ATP8B4: variants seen among roughly 807,000 people sequenced by gnomAD.
ATP8B4 encodes the protein ATPase phospholipid transporting 8B4 (putative), also known as probable phospholipid-transporting ATPase IM.
In ATP8B4, 133 loss-of-function variants were observed where a neutral mutation model predicts 145.6. The ratio of observed to expected loss-of-function variants is 0.91; its 90% CI spans 0.79 to 1.05. The LOEUF (loss-of-function observed/expected upper bound fraction) is 1.05. ATP8B4 is among the 50% of genes least tolerant of loss of function. ATP8B4 has a pLI of 0.00. For missense variants in ATP8B4, 1,458 were observed against 1,425.2 expected (o/e 1.02, Z -0.37); for synonymous variants, 507 against 492.9 (o/e 1.03, Z -0.38).
chr15:50,112,885 G>C (rs2057017848), intron 1 of ATP8B4, among the ~76,000 whole-genome samples: 1 of 151,914 alleles, frequency 6.6e-6, no homozygotes, highest in African/African-American at 2.4e-5. Context: ...CAAGGCCCCT[G>C]CTTCCCATCC....
chr15:50,116,967 A>C (rs1389381821), intron 1 of ATP8B4, among the ~76,000 whole-genome samples: 2 of 152,196 alleles, frequency 1.3e-5, no homozygotes, highest in African/African-American at 2.4e-5. Context: ...GAGAGATTCT[A>C]AAAATAAATA....
chr15:50,122,901 G>A (rs1254634246), upstream of ATP8B4, among the ~76,000 whole-genome samples: 9 of 151,870 alleles, frequency 5.9e-5, 1 homozygote, highest in Admixed American at 5.9e-4. Context: ...TGCAAAATTG[G>A]GAAGATTAAA....
At chr15:50,131,346 T>C (rs563635446) in intron 1 of ATP8B4, among the ~76,000 whole-genome samples, 10 of 152,316 alleles carry the variant, frequency 6.6e-5, no homozygotes, top group Admixed American at 1.3e-4. Context: ...AATAATTCTA[T>C]CCTTTACAGA....
intron 1 of ATP8B4, among the ~76,000 whole-genome samples, chr15:50,131,266 G>C (rs1280986135): frequency 6.6e-6 from 1 of 152,130 alleles, no homozygotes; most frequent in Non-Finnish European, 1.5e-5. Context: ...TGATAGGTAA[G>C]AACTTCTAAT....
intron 1 of ATP8B4, among the ~76,000 whole-genome samples, chr15:50,110,399 A>G (rs959615293): frequency 6.6e-6 from 1 of 152,344 alleles, no homozygotes; most frequent in South Asian, 2.1e-4. Context: ...TTGCAAATTT[A>G]TCAACTCACC....
At chr15:49,958,742 T>TA (rs1331697619) in intron 14 of ATP8B4, among the ~76,000 whole-genome samples, 1 of 151,850 alleles carries the variant, frequency 6.6e-6, no homozygotes, top group African/African-American at 2.4e-5. Context: ...GACAATATTC[T>TA]AAAAAAATAT....
chr15:50,037,652 A>G (rs2050941331), intron 6 of ATP8B4, among the ~76,000 whole-genome samples: 2 of 152,202 alleles, frequency 1.3e-5, no homozygotes, highest in Admixed American at 6.5e-5. Context: ...TTGTGGCGGC[A>G]ATGATTCAAA....
intron 4 of ATP8B4, among the ~76,000 whole-genome samples, chr15:50,044,906 A>T (rs2051602787): frequency 6.6e-6 from 1 of 152,250 alleles, no homozygotes; most frequent in Non-Finnish European, 1.5e-5. Flanking sequence ...CCAAAAACTG[A>T]AATTTTTATA....
At chr15:50,064,261 G>A (rs960036921) in intron 3 of ATP8B4, among the ~76,000 whole-genome samples, 1 of 152,088 alleles carries the variant, frequency 6.6e-6, no homozygotes, top group African/African-American at 2.4e-5. Context: ...TTACCTAGAT[G>A]ACACCTGAAC....
intron 4 of ATP8B4, among the ~76,000 whole-genome samples, chr15:50,045,708 C>T (rs745457340): frequency 6.6e-6 from 1 of 152,150 alleles, no homozygotes; most frequent in Non-Finnish European, 1.5e-5. Flanking sequence ...ATGGTGAAAG[C>T]TTTACCACCT....
intron 26 of ATP8B4, among the ~76,000 whole-genome samples, chr15:49,863,813 GA>G (rs953330088): frequency 1.7e-4 from 25 of 149,896 alleles, no homozygotes; most frequent in East Asian, 7.8e-4. Flanking sequence ...AGCTACTAAG[GA>G]AAAAAAAAAT....
intron 1 of ATP8B4, among the ~76,000 whole-genome samples, chr15:50,110,181 T>C (rs528136669): frequency 6.6e-6 from 1 of 152,184 alleles, no homozygotes; most frequent in South Asian, 2.1e-4. Flanking sequence ...TTTCCAGAAG[T>C]TGTTTCTTAT....
At chr15:49,875,316 G>A (rs190797899) in intron 25 of ATP8B4, among the ~76,000 whole-genome samples, 3 of 152,170 alleles carry the variant, frequency 2.0e-5, no homozygotes, top group Admixed American at 2.0e-4. Context: ...CGAGGAACAG[G>A]TCTGAGCCAG....
At chr15:50,054,184 A>G (rs1400923054) in intron 3 of ATP8B4, among the ~76,000 whole-genome samples, 1 of 152,212 alleles carries the variant, frequency 6.6e-6, no homozygotes, top group African/African-American at 2.4e-5. Context: ...ACCCAGTAAG[A>G]GTTTGTTTCT....
At chr15:50,165,363 T>A (rs766512884) in intron 1 of ATP8B4, among the ~76,000 whole-genome samples, 4 of 152,172 alleles carry the variant, frequency 2.6e-5, no homozygotes, top group Non-Finnish European at 5.9e-5. Flanking sequence ...CCTCTTCCGT[T>A]AATATGATGT....
At chr15:50,047,260 G>C (rs1027836903) in intron 4 of ATP8B4, 91 bp downstream of exon 4, 7 of 776,802 alleles carry the variant, frequency 9.0e-6, no homozygotes, top group Non-Finnish European at 1.3e-5. Flanking sequence ...ACCTAATCAC[G>C]AACATTTAGC....
At chr15:49,993,151 T>A (rs963821542) in intron 9 of ATP8B4, among the ~76,000 whole-genome samples, 2 of 152,122 alleles carry the variant, frequency 1.3e-5, no homozygotes, top group African/African-American at 2.4e-5. Context: ...TTTTGCATCT[T>A]GTACTTAGGA....
intron 2 of ATP8B4, among the ~76,000 whole-genome samples, chr15:50,090,897 A>G (rs527749423): frequency 1.4e-4 from 21 of 152,118 alleles, no homozygotes; most frequent in Non-Finnish European, 2.9e-4. Context: ...CTGAAATGTG[A>G]TGTTTAAATT....
chr15:50,085,028 T>A (rs777981079), intron 2 of ATP8B4, among the ~76,000 whole-genome samples: 1 of 152,016 alleles, frequency 6.6e-6, no homozygotes, highest in Non-Finnish European at 1.5e-5. Flanking sequence ...CTACCGCAAG[T>A]CTTATCTCTC....
Sources: gnomAD v4.1 joint callset for allele counts (sites outside exome capture counted in the v4.1 genomes callset) on GRCh38, gnomAD v4.1.1 for gene constraint, MANE v1.5 for transcripts, NCBI Gene and HGNC (gene_info 2026-07-23, HGNC 2026-07-21) for gene names.